The following TSHZ2 variants were observed in gnomAD, a reference collection of about 807,000 sequenced individuals.
TSHZ2 encodes teashirt zinc finger homeobox 2, also known as teashirt homolog 2.
A neutral mutation model predicts 74.4 loss-of-function variants in TSHZ2; 21 were observed. The observed-to-expected ratio is 0.28, with a 90% CI of 0.20 to 0.41. The LOEUF (loss-of-function observed/expected upper bound fraction) is 0.41. TSHZ2 is among the 10% of genes least tolerant of loss of function. The pLI is 1.00. For synonymous variants in TSHZ2, 540 were observed against 515.3 expected (o/e 1.05, Z -0.65); for missense variants, 1,244 against 1,293.5 (o/e 0.96, Z 0.59).
intron 2 of TSHZ2, among the ~76,000 whole-genome samples, chr20:53,369,751 G>A (rs1029063291): frequency 2.0e-5 from 3 of 152,038 alleles, no homozygotes; most frequent in Admixed American, 6.6e-5. Context: ...ACGACCTCAT[G>A]TATTCAAATA....
chr20:53,119,410 T>C (rs1986750981), intron 1 of TSHZ2, among the ~76,000 whole-genome samples: 1 of 152,160 alleles, frequency 6.6e-6, no homozygotes, highest in Non-Finnish European at 1.5e-5. Context: ...TGAGACATTG[T>C]AAGACACGAT....
At chr20:53,349,956 G>C (rs1368916365) in intron 2 of TSHZ2, among the ~76,000 whole-genome samples, 1 of 152,178 alleles carries the variant, frequency 6.6e-6, no homozygotes, top group Admixed American at 6.5e-5. Context: ...TTTCTTGCCT[G>C]TTCAGCTTTT....
chr20:53,315,800 C>T (rs149681487), intron 2 of TSHZ2, among the ~76,000 whole-genome samples: 2 of 152,120 alleles, frequency 1.3e-5, no homozygotes, highest in South Asian at 2.1e-4. Context: ...ATAATTGCAA[C>T]GAATGCTATG....
At chr20:53,300,631 GTGTCTGCCTA>G (rs1339172522) in intron 2 of TSHZ2, among the ~76,000 whole-genome samples, 1 of 152,110 alleles carries the variant, frequency 6.6e-6, no homozygotes, top group Non-Finnish European at 1.5e-5. Context: ...AAAATGAGTA[GTGTCTGCCTA>G]TGTCAGGATG....
intron 2 of TSHZ2, among the ~76,000 whole-genome samples, chr20:53,410,238 C>T (rs775639276): frequency 9.2e-5 from 14 of 152,156 alleles, no homozygotes; most frequent in Non-Finnish European, 1.8e-4. Context: ...AGCTACCCTC[C>T]CTGACTTACC....
chr20:53,108,606 G>T (rs892356627), intron 1 of TSHZ2, among the ~76,000 whole-genome samples: 5 of 151,654 alleles, frequency 3.3e-5, no homozygotes, highest in Admixed American at 2.6e-4. Flanking sequence ...TACCAAAAAG[G>T]GTTCCATATG....
At chr20:53,078,827 G>C (rs1057366446) in intron 1 of TSHZ2, among the ~76,000 whole-genome samples, 1 of 152,074 alleles carries the variant, frequency 6.6e-6, no homozygotes, top group Non-Finnish European at 1.5e-5. Flanking sequence ...GGAAAATTTT[G>C]GTAAAGGTAA....
intron 1 of TSHZ2, among the ~76,000 whole-genome samples, chr20:53,226,808 G>A (rs1989697017): frequency 6.6e-6 from 1 of 151,978 alleles, no homozygotes; most frequent in Non-Finnish European, 1.5e-5. Flanking sequence ...TCATCCAGTT[G>A]GAGACAAAAA....
At chr20:53,329,609 A>G (rs1320943826) in intron 2 of TSHZ2, among the ~76,000 whole-genome samples, 1 of 151,744 alleles carries the variant, frequency 6.6e-6, no homozygotes, top group African/African-American at 2.4e-5. Context: ...ATTTGGTCAT[A>G]AACATGGGCC....
At chr20:53,072,453 C>T (rs537891539) in intron 1 of TSHZ2, among the ~76,000 whole-genome samples, 189 of 152,286 alleles carry the variant, frequency 1.2e-3, no homozygotes, top group African/African-American at 4.3e-3. Context: ...CTCACAGCTG[C>T]TCTGCAGCCC....
chr20:53,392,867 C>G (rs1422358899), intron 2 of TSHZ2, among the ~76,000 whole-genome samples: 2 of 152,030 alleles, frequency 1.3e-5, no homozygotes, highest in Non-Finnish European at 2.9e-5. Context: ...CAGAGTTTTG[C>G]TCTGTCAACC....
rs925305627 is a variant in TSHZ2, at chr20:53,491,237, C to T, written c.*4102C>T. 2.0e-5 allele frequency: 3 copies of T among 152,176 alleles called. No homozygotes were observed. The highest frequency in any genetic ancestry group is 6.5e-5 in the Admixed American group (1 of 15,278). 9.4% of individuals were successfully genotyped at this position (152,176 alleles called of 1,614,324 possible). A position where few individuals can be genotyped will look rare whatever the true frequency, so the allele number is the denominator to read the frequency against. On this transcript the variant is annotated 3_prime_UTR_variant, in exon 3 of 3. Transcript: ENST00000371497. ...AGAGCAATAACGGTAGTATCTATTT[C>T]GAACATGCATTAGGCAAAAAAGAAA...
At chr20:53,282,070 G>A (rs775958769) in intron 2 of TSHZ2, among the ~76,000 whole-genome samples, 1 of 152,154 alleles carries the variant, frequency 6.6e-6, no homozygotes, top group Admixed American at 6.5e-5. Context: ...TCCCTACTGT[G>A]TCCTCTACAG....
At chr20:53,361,497 T>C (rs192812212) in intron 2 of TSHZ2, among the ~76,000 whole-genome samples, 4 of 152,352 alleles carry the variant, frequency 2.6e-5, no homozygotes, top group African/African-American at 9.6e-5. Flanking sequence ...CTCTTTTTTA[T>C]AACTCAACTT....
At position 53,493,584 on chromosome 20, in the gene TSHZ2, T is replaced by C. The variant is rs1424491986; in HGVS notation, c.*6449T>C. On this transcript the variant is annotated 3_prime_UTR_variant, in exon 3 of 3. Transcript: ENST00000371497. The stretch of plus-strand genomic sequence containing the variant: ...CTTCTCCTTATTTATTCGGTTGCTG[T>C]TGTAATGGGGCCCCAGGCCATTCCT... 6 of 152,254 alleles carry C rather than the reference T, an allele frequency of 3.9e-5. No individual in the cohort carries two copies. Among genetic ancestry groups the C allele is most frequent in the African/African-American group, 1.4e-4 (6 of 41,470 alleles). 9.4% of individuals were successfully genotyped at this position (152,254 alleles called of 1,614,324 possible). A position where few individuals can be genotyped will look rare whatever the true frequency, so the allele number is the denominator to read the frequency against.
At chr20:53,177,120 G>A (rs765552300) in intron 1 of TSHZ2, among the ~76,000 whole-genome samples, 8 of 152,160 alleles carry the variant, frequency 5.3e-5, no homozygotes, top group Non-Finnish European at 7.4e-5. Flanking sequence ...CTGGCCTCAA[G>A]TGATCCTCCT....
intron 2 of TSHZ2, among the ~76,000 whole-genome samples, chr20:53,382,984 G>A (rs752215687): frequency 6.6e-6 from 1 of 152,180 alleles, no homozygotes; most frequent in Non-Finnish European, 1.5e-5. Flanking sequence ...TTTCTCACCG[G>A]GCACAGTGGC....
chr20:53,294,234 A>G (rs1333515432), intron 2 of TSHZ2, among the ~76,000 whole-genome samples: 3 of 152,206 alleles, frequency 2.0e-5, no homozygotes, highest in Non-Finnish European at 4.4e-5. Flanking sequence ...GTTGTTAGGC[A>G]GATTAATAAC....
intron 1 of TSHZ2, among the ~76,000 whole-genome samples, chr20:53,219,939 C>CA (rs1280916457): frequency 6.6e-6 from 1 of 152,160 alleles, no homozygotes; most frequent in Non-Finnish European, 1.5e-5. Flanking sequence ...CTCGATTTTG[C>CA]AAAAGGAAAC....
Sources: gnomAD v4.1 joint callset for allele counts (sites outside exome capture counted in the v4.1 genomes callset) on GRCh38, gnomAD v4.1.1 for gene constraint, MANE v1.5 for transcripts, NCBI Gene and HGNC (gene_info 2026-07-23, HGNC 2026-07-21) for gene names.